ZNF626: variants seen among roughly 807,000 people sequenced by gnomAD.
ZNF626 encodes CTC-513N18.7.
In ZNF626, 4 loss-of-function variants were observed where a neutral mutation model predicts 11.7. The observed-to-expected ratio is 0.34, with a 90% CI of 0.17 to 0.78. ZNF626 has a LOEUF of 0.78. ZNF626 is among the 30% of genes least tolerant of loss of function. ZNF626 has a pLI of 0.57. For synonymous variants in ZNF626, 179 were observed against 198.6 expected, an observed-to-expected ratio of 0.90 and a Z score of 0.83; for missense variants, 588 against 587.1, an observed-to-expected ratio of 1.00 and a Z score of -0.01.
chr19:20,647,795 T>C (rs1970098991), intron 1 of ZNF626, among the ~76,000 whole-genome samples: 1 of 151,896 alleles, frequency 6.6e-6, no homozygotes, highest in Non-Finnish European at 1.5e-5. Flanking sequence ...CTAGGACAAA[T>C]TTTTATGATG....
At chr19:20,628,596 T>C (rs573727330) in intron 3 of ZNF626, among the ~76,000 whole-genome samples, 26 of 152,198 alleles carry the variant, frequency 1.7e-4, no homozygotes, top group Non-Finnish European at 3.7e-4. Flanking sequence ...GAAGTGTCTG[T>C]TCATATCCTT....
At chr19:20,651,477 T>C (rs1568461592) in intron 1 of ZNF626, among the ~76,000 whole-genome samples, 1 of 152,092 alleles carries the variant, frequency 6.6e-6, no homozygotes, top group Non-Finnish European at 1.5e-5. Flanking sequence ...ATCTCCTCCT[T>C]GTTTATCATC....
At chr19:20,651,016 G>A (rs948974690) in intron 1 of ZNF626, among the ~76,000 whole-genome samples, 51 of 151,754 alleles carry the variant, frequency 3.4e-4, no homozygotes, top group African/African-American at 1.2e-3. Context: ...TTGAAACCCC[G>A]TCTCTACTAA....
At position 20,625,393 on chromosome 19, in the gene ZNF626, C is replaced by T. The variant is rs782265571; in HGVS notation, c.484G>A (p.Gly162Arg). Residue 162 changes from glycine (G) to arginine (R), a missense_variant, in exon 4 of 4, where the codon GGA becomes AGA. Physicochemically the swap from Gly to Arg is moderately radical, Grantham distance 125 (BLOSUM62 -2). Transcript: ENST00000601440. ...KVLHQFPNSN[G>R]QKRGHTGKKP... is the part of the protein sequence containing the mutation. ...TTCCCAGTATGTCCTCTCTTTTGTC[C>T]GTTTGAATTTGGAAATTGATGAAGG... 29 of 1,613,958 alleles carry T rather than the reference C, an allele frequency of 1.8e-5. No homozygotes were observed. Among genetic ancestry groups the T allele is most frequent in the Non-Finnish European group, 2.2e-5 (26 of 1,179,994 alleles).
At chr19:20,630,615 C>T (rs7248371) in intron 3 of ZNF626, among the ~76,000 whole-genome samples, 11,094 of 150,958 alleles carry the variant, frequency 0.073, 477 homozygotes, top group South Asian at 0.14. Context: ...TCTGTGGGAT[C>T]GGTGGTGATA....
At chr19:20,639,422 A>G (rs1970000123) in intron 3 of ZNF626, among the ~76,000 whole-genome samples, 1 of 152,218 alleles carries the variant, frequency 6.6e-6, no homozygotes, top group South Asian at 2.1e-4. Flanking sequence ...TTCTGTTAGG[A>G]CACATACCAA....
intron 3 of ZNF626, among the ~76,000 whole-genome samples, chr19:20,635,051 C>T (rs1969951938): frequency 6.6e-6 from 1 of 152,138 alleles, no homozygotes; most frequent in Non-Finnish European, 1.5e-5. Context: ...ACTGGAATCT[C>T]ATTCAGTTTT....
intron 1 of ZNF626, among the ~76,000 whole-genome samples, chr19:20,649,236 T>C (rs554996788): frequency 1.3e-5 from 2 of 152,292 alleles, no homozygotes; most frequent in South Asian, 4.1e-4. Context: ...CCTGCTAGCA[T>C]AACATCAACT....
Position 20,625,105 on chromosome 19 carries a change from T to A in ZNF626, c.772A>T (p.Lys258Ter). Residue 258 changes from lysine (K) to a stop codon, truncating the protein, a stop_gained, in exon 4 of 4, where the codon AAG becomes TAG. Transcript: ENST00000601440. LOFTEE classifies it low-confidence loss of function (END_TRUNC). ...KRNHTGEKPYKCDKCGKAFMS... is the reference protein window; with the variant it reads ...KRNHTGEKPY ...AAGGCTTTGCCACATTTATCACACTTGTAGGGTTTCTCTCCAGTATGATTT... is the reference window on the plus strand; with the variant it reads ...AAGGCTTTGCCACATTTATCACACTAGTAGGGTTTCTCTCCAGTATGATTT... 6.2e-7 allele frequency: 1 copy of A among 1,613,354 alleles called. No individual in the cohort carries two copies. The highest frequency in any genetic ancestry group is 8.5e-7 in the Non-Finnish European group (1 of 1,179,802).
chr19:20,631,711 C>G (rs1289220301), intron 3 of ZNF626, among the ~76,000 whole-genome samples: 5 of 150,874 alleles, frequency 3.3e-5, no homozygotes, highest in Admixed American at 3.3e-4. Flanking sequence ...TTCCTGAATA[C>G]AGCACACTGA....
At chr19:20,646,017 C>G (rs1970073508) in intron 2 of ZNF626, among the ~76,000 whole-genome samples, 1 of 152,010 alleles carries the variant, frequency 6.6e-6, no homozygotes, top group South Asian at 2.1e-4. Context: ...TCAGGTGGAG[C>G]AACAATATTT....
chr19:20,648,055 T>C (rs993185986), intron 1 of ZNF626, among the ~76,000 whole-genome samples: 19 of 151,504 alleles, frequency 1.3e-4, no homozygotes, highest in African/African-American at 4.4e-4. Flanking sequence ...GGCAAGCACC[T>C]GTAATCCTGG....
intron 3 of ZNF626, among the ~76,000 whole-genome samples, chr19:20,629,154 G>A (rs1367332591): frequency 6.6e-6 from 1 of 152,122 alleles, no homozygotes; most frequent in African/African-American, 2.4e-5. Context: ...CTCTGGTTTG[G>A]TACCAGTACC....
At chr19:20,631,002 T>A (rs563483003) in intron 3 of ZNF626, among the ~76,000 whole-genome samples, 1 of 152,224 alleles carries the variant, frequency 6.6e-6, no homozygotes, top group East Asian at 1.9e-4. Flanking sequence ...TCAAAGAACA[T>A]CTTTATTTCT....
rs374817196 is a variant in ZNF626, at chr19:20,658,266, T to C, written c.3+3178A>G. On this transcript the variant is annotated intron_variant, in intron 1 of 3. Coordinates refer to ENST00000601440, the MANE Select transcript of ZNF626 (RefSeq NM_001076675.3). Reference sequence around the variant, plus strand: ...TAACCGGGAGGTCCAGAACCTTAGGTTGGTGGAAAAAACAGGTTGGTGCGG... The same window carrying C: ...TAACCGGGAGGTCCAGAACCTTAGGCTGGTGGAAAAAACAGGTTGGTGCGG... Among the ~76,000 whole-genome samples the C allele has an allele frequency of 4.6e-5, 7 of 152,066 alleles. No individual in the cohort carries two copies. The South Asian group carries it at 1.0e-3, about 23-fold the overall frequency.
At position 20,624,332 on chromosome 19, in the gene ZNF626, T is replaced by C; in HGVS notation, c.1545A>G (p.Ala515=). 6.8e-7 allele frequency: 1 copy of C among 1,472,438 alleles called. No homozygotes were observed. 91.2% of individuals were successfully genotyped at this position (1,472,438 alleles called of 1,614,324 possible). The change falls in exon 4 of 4, where the codon GCA becomes GCG. Residue 515 remains alanine, a synonymous_variant. Transcript: ENST00000601440. ...AGGTGTGAGGACCGCTTGAAGGCTT[T>C]GCCACATTCTTCACATTTGTAGAAT... The part of the protein sequence containing the change: ...ERNSTNVKNV[A]KPSSGPHTLL...
intron 3 of ZNF626, among the ~76,000 whole-genome samples, chr19:20,631,397 C>T (rs1455159191): frequency 1.3e-5 from 2 of 152,102 alleles, no homozygotes; most frequent in Non-Finnish European, 2.9e-5. Flanking sequence ...GTTAAAGTCT[C>T]CCATTATTAT....
intron 3 of ZNF626, among the ~76,000 whole-genome samples, chr19:20,631,330 G>T (rs1304893011): frequency 4.6e-5 from 7 of 152,078 alleles, no homozygotes; most frequent in Non-Finnish European, 4.4e-5. Context: ...GGGTATCCTT[G>T]TTAACTTTCT....
chr19:20,640,203 T>C (rs1555771279), intron 3 of ZNF626, among the ~76,000 whole-genome samples: 1 of 146,272 alleles, frequency 6.8e-6, no homozygotes, highest in African/African-American at 2.5e-5. Context: ...TATTTTAATT[T>C]TTTAATATTA....
Sources: gnomAD v4.1 joint callset for allele counts (sites outside exome capture counted in the v4.1 genomes callset) on GRCh38, gnomAD v4.1.1 for gene constraint, MANE v1.5 for transcripts, NCBI Gene and HGNC (gene_info 2026-07-23, HGNC 2026-07-21) for gene names.